SMG6: variants seen among roughly 807,000 people sequenced by gnomAD.
The protein encoded by SMG6 is telomerase-binding protein EST1A.
Under a neutral mutation model 142.2 loss-of-function variants are expected in SMG6, and 66 were observed. The observed-to-expected ratio is 0.46, with a 90% CI of 0.38 to 0.57. The LOEUF is 0.57. Ranked by LOEUF, SMG6 falls within the 20% of genes least tolerant of loss-of-function variation. The pLI is 0.00. For missense variants in SMG6, 1,793 were observed against 1,832.0 expected (o/e 0.98, Z 0.39); for synonymous variants, 779 against 702.4 (o/e 1.11, Z -1.72).
In SMG6 at chr17:2,299,765, T is replaced by C. The variant is rs1567763617; in HGVS notation, c.988A>G (p.Asn330Asp). ...TCACCCTCCCCACGGCCAGACCAGT[T>C]TCTTTCTAAATGTCTCTTCCTTTCT... ...SSERKRHLER[N>D]WSGRGEGEQK... is the part of the protein sequence containing the mutation. Residue 330 changes from asparagine (N) to aspartate (D), a missense_variant, in exon 2 of 19, where the codon AAC becomes GAC. Physicochemically the swap from Asn to Asp is conservative, Grantham distance 23. Transcript: ENST00000263073. The surrounding 1 kb of genome is among the most constrained non-coding windows in gnomAD (Gnocchi z 4.3). 1.4e-5 allele frequency: 22 copies of C among 1,614,096 alleles called. No homozygotes were observed. The highest frequency in any genetic ancestry group is 1.9e-5 in the Non-Finnish European group (22 of 1,180,042).
intron 8 of SMG6, among the ~76,000 whole-genome samples, chr17:2,269,509 T>G (rs1399745637): frequency 6.6e-6 from 1 of 151,002 alleles, no homozygotes; most frequent in African/African-American, 2.4e-5. Flanking sequence ...GAGCATGTGG[T>G]GAACGTTCTG....
At chr17:2,131,917 C>T (rs942751796) in intron 13 of SMG6, among the ~76,000 whole-genome samples, 11 of 152,072 alleles carry the variant, frequency 7.2e-5, no homozygotes, top group African/African-American at 2.7e-4. Context: ...ACTAAAAATA[C>T]AAAAATTAGC....
chr17:2,284,965 T>C (rs146155173), intron 6 of SMG6, among the ~76,000 whole-genome samples: 393 of 152,286 alleles, frequency 2.6e-3, no homozygotes, highest in South Asian at 4.4e-3. Context: ...ATAAAATATT[T>C]TTTCATATGA....
intron 12 of SMG6, among the ~76,000 whole-genome samples, chr17:2,180,752 G>T (rs1162937737): frequency 6.6e-6 from 1 of 152,204 alleles, no homozygotes; most frequent in Non-Finnish European, 1.5e-5. Context: ...TGAAGGAAGA[G>T]AGATGAAAGA....
At chr17:2,252,907 A>AT (rs1003012207) in intron 8 of SMG6, among the ~76,000 whole-genome samples, 1 of 151,736 alleles carries the variant, frequency 6.6e-6, no homozygotes, top group African/African-American at 2.4e-5. Context: ...TGGTTTTTAC[A>AT]TTTTTTTAAT....
intron 10 of SMG6, among the ~76,000 whole-genome samples, chr17:2,225,269 G>C (rs1354393181): frequency 6.6e-6 from 1 of 151,492 alleles, no homozygotes; most frequent in Non-Finnish European, 1.5e-5. Context: ...CTTGAGGTCA[G>C]GAGTTCGAGA....
At chr17:2,132,628 T>C (rs955375772) in intron 13 of SMG6, among the ~76,000 whole-genome samples, 9 of 152,232 alleles carry the variant, frequency 5.9e-5, no homozygotes, top group African/African-American at 2.2e-4. Context: ...ATCTCATTAA[T>C]TCCCCAGCAC....
intron 10 of SMG6, among the ~76,000 whole-genome samples, chr17:2,218,022 CAAAAACA>C (rs2073066620): frequency 8.0e-6 from 1 of 125,274 alleles, no homozygotes; most frequent in Non-Finnish European, 1.7e-5. Context: ...AAAACAAAAA[CAAAAACA>C]AAAAAAAAAA....
intron 13 of SMG6, among the ~76,000 whole-genome samples, chr17:2,091,852 GTGTT>G (rs1169557821): frequency 7.3e-5 from 11 of 150,476 alleles, no homozygotes; most frequent in African/African-American, 2.7e-4. Context: ...GTGTGTGTGT[GTGTT>G]TTTTTTTAGT....
intron 12 of SMG6, among the ~76,000 whole-genome samples, chr17:2,176,130 CATCA>C: frequency 6.6e-6 from 1 of 152,348 alleles, no homozygotes; most frequent in East Asian, 1.9e-4. Context: ...AGCTGGGCAA[CATCA>C]CCTCAGCTTA....
At chr17:2,121,628 T>TA (rs1180337459) in intron 13 of SMG6, among the ~76,000 whole-genome samples, 20 of 93,942 alleles carry the variant, frequency 2.1e-4, no homozygotes, top group Non-Finnish European at 1.5e-4. Context: ...TGTGTGTGTG[T>TA]GTGTGTGTGT....
chr17:2,061,666 G>C (rs189489015), intron 18 of SMG6, 44 bp from the exon 19 acceptor site: 2 of 1,548,634 alleles, frequency 1.3e-6, no homozygotes, highest in Non-Finnish European at 1.7e-6. Flanking sequence ...AGGACAGGAG[G>C]CAGAGGGCTG....
intron 13 of SMG6, among the ~76,000 whole-genome samples, chr17:2,167,131 C>CAAAAAAAAAAAAAAAAAAAAA (rs57898779): frequency 2.8e-5 from 1 of 35,704 alleles, no homozygotes. Context: ...GACTCCATCT[C>CAAAAAAAAAAAAAAAAAAAAA]AAAAAAAAAA....
chr17:2,181,685 C>T (rs1249663584), intron 12 of SMG6, among the ~76,000 whole-genome samples: 2 of 152,260 alleles, frequency 1.3e-5, no homozygotes, highest in African/African-American at 4.8e-5. Flanking sequence ...CTCTGCCTCT[C>T]TGTAGCCCAG....
chr17:2,081,790 G>A lies in SMG6; in HGVS notation c.3681+20C>T, dbSNP rs765282198. 7.4e-6 allele frequency: 12 copies of A among 1,611,328 alleles called. No individual in the cohort carries two copies. The highest frequency in any genetic ancestry group is 3.3e-5 in the South Asian group (3 of 91,084). On this transcript the variant is annotated intron_variant, in intron 15 of 18. Transcript: ENST00000263073. ...CAGCAACCCCCATAGTGGGAACCAC[G>A]CTCCCCAGGCCGACTTCACCTGGAT...
intron 8 of SMG6, among the ~76,000 whole-genome samples, chr17:2,279,951 C>T (rs768247437): frequency 5.3e-5 from 8 of 152,180 alleles, no homozygotes; most frequent in African/African-American, 9.7e-5. Flanking sequence ...CATGCTCCCA[C>T]GGCCTCTCAT....
rs907614549 is a variant in SMG6 at position 2,085,470 on chromosome 17, T to G, written c.3534+255A>C. On this transcript the variant is annotated intron_variant, in intron 14 of 18. Transcript: ENST00000263073. This position sits in a 1 kb window ranked among gnomAD's most constrained non-coding sequence, Gnocchi z 4.1. ...AGAGCTGCACATTATTCAACTCCTT[T>G]CTTTCTTTTCCTCCCTTCTCCTCAA... Among the ~76,000 whole-genome samples, 4 of 152,180 alleles carry G rather than the reference T, an allele frequency of 2.6e-5. No homozygotes were observed. Among genetic ancestry groups the G allele is most frequent in the African/African-American group, 7.2e-5 (3 of 41,422 alleles).
At chr17:2,303,160 G>T (rs1242114617) in intron 1 of SMG6, 1 of 985,388 alleles carries the variant, frequency 1.0e-6, no homozygotes, top group African/African-American at 1.7e-5. Flanking sequence ...AGCCTGTCTT[G>T]GGGGGGAAAA....
intron 13 of SMG6, among the ~76,000 whole-genome samples, chr17:2,116,219 G>C (rs1375467033): frequency 6.6e-6 from 1 of 151,878 alleles, no homozygotes; most frequent in East Asian, 1.9e-4. Context: ...ATATGGGTAT[G>C]AGCCACCCTG....
Sources: allele counts gnomAD v4.1 joint callset (sites outside exome capture counted in the v4.1 genomes callset), GRCh38; gene constraint gnomAD v4.1.1; non-coding constraint Gnocchi (gnomAD v3.1); transcripts MANE v1.5; gene names NCBI Gene and HGNC (gene_info 2026-07-23, HGNC 2026-07-21).